NEURL1B: variants seen among roughly 807,000 people sequenced by gnomAD.
The protein encoded by NEURL1B is neuralized E3 ubiquitin protein ligase 1B.
Under a neutral mutation model 37.4 loss-of-function variants are expected in NEURL1B, and 13 were observed. The ratio of observed to expected loss-of-function variants is 0.35; its 90% CI spans 0.23 to 0.55. The LOEUF (loss-of-function observed/expected upper bound fraction) is 0.55, where lower values mean the gene tolerates loss of function less well. NEURL1B is among the 20% of genes least tolerant of loss of function. The pLI is 0.89. For missense variants in NEURL1B, 790 were observed against 879.2 expected, an observed-to-expected ratio of 0.90 and a Z score of 1.28; for synonymous variants, 432 against 426.6, an observed-to-expected ratio of 1.01 and a Z score of -0.16.
At position 172,669,925 on chromosome 5, in the gene NEURL1B, C is replaced by T. The variant is rs1373623181; in HGVS notation, c.172C>T (p.Arg58Trp). ...CGTGCGGCTGGACGGCCACTCGCGC[C>T]GGGCCACACGGCGCAACAGCTTCTG... is the stretch of plus-strand genomic sequence containing the variant. ...KNVRLDGHSR[R>W]ATRRNSFCNG... The change falls in exon 2 of 5, where the codon CGG becomes TGG. Residue 58 changes from arginine (R) to tryptophan (W), a missense_variant. Physicochemically the swap from Arg to Trp is moderately radical, Grantham distance 101 (BLOSUM62 -3). Transcript: ENST00000369800. 2.8e-6 allele frequency: 4 copies of T among 1,451,914 alleles called. No homozygotes were observed. Among genetic ancestry groups the T allele is most frequent in the Non-Finnish European group, 2.7e-6 (3 of 1,107,664 alleles). 89.9% of individuals were successfully genotyped at this position (1,451,914 alleles called of 1,614,324 possible).
chr5:172,686,593 C>A lies in NEURL1B; in HGVS notation c.1424-88C>A, dbSNP rs1718685987. The A allele has an allele frequency of 1.4e-6, 2 of 1,417,752 alleles. No homozygotes were observed. Among genetic ancestry groups the A allele is most frequent in the South Asian group, 1.3e-5 (1 of 74,712 alleles). 87.8% of individuals were successfully genotyped at this position (1,417,752 alleles called of 1,614,324 possible). The stretch of plus-strand genomic sequence containing the variant: ...AAAAGTATTCTCCCACCGGTCCCAG[C>A]AAGAAGCCCTGCATTCTCGGGGTTG... On this transcript the variant is annotated intron_variant, in intron 4 of 4. Transcript: ENST00000369800. This position sits in a 1 kb window ranked among gnomAD's most constrained non-coding sequence, Gnocchi z 7.9.
In NEURL1B at chr5:172,690,355, C is replaced by G. The variant is rs1459711666; in HGVS notation, c.*3430C>G. The G allele has an allele frequency of 6.6e-6, 1 of 152,220 alleles. No homozygotes were observed. Among genetic ancestry groups the G allele is most frequent in the Admixed American group, 6.5e-5 (1 of 15,280 alleles). The allele number at this position is 152,220 out of a possible 1,614,324, so 9.4% of individuals were successfully genotyped here. ...ATCAGCATGGACTGTGTTCAGGACA[C>G]AGGGTGAACTTTTCTCTGACCCCCG... is the stretch of plus-strand genomic sequence containing the variant. On this transcript the variant is annotated 3_prime_UTR_variant, in exon 5 of 5. Coordinates refer to ENST00000369800, the MANE Select transcript of NEURL1B (RefSeq NM_001142651.3).
chr5:172,667,853 A>G (rs1581430457), intron 1 of NEURL1B, among the ~76,000 whole-genome samples: 1 of 89,776 alleles, frequency 1.1e-5, no homozygotes, highest in Non-Finnish European at 2.1e-5. Context: ...CCCACCCCCC[A>G]CCCCAGCTCT....
In NEURL1B at chr5:172,647,551, C is replaced by A. The variant is rs1757582120; in HGVS notation, c.31+6114C>A. 6.6e-6 allele frequency among the ~76,000 whole-genome samples: 1 copy of A among 152,076 alleles called. No individual in the cohort carries two copies. Among genetic ancestry groups the A allele is most frequent in the Admixed American group, 6.6e-5 (1 of 15,260 alleles). ...TCCCACGGGGCACTGCACCCTGGGG[C>A]CTCTTGCGGCTCCTCTTGCTGACTT... is the stretch of plus-strand genomic sequence containing the variant. On this transcript the variant is annotated intron_variant, in intron 1 of 4. Coordinates refer to ENST00000369800, the MANE Select transcript of NEURL1B (RefSeq NM_001142651.3). This position sits in a 1 kb window ranked among gnomAD's most constrained non-coding sequence, Gnocchi z 4.2.
chr5:172,668,855 G>A (rs1463627606), intron 1 of NEURL1B, among the ~76,000 whole-genome samples: 1 of 152,174 alleles, frequency 6.6e-6, no homozygotes, highest in Non-Finnish European at 1.5e-5. Context: ...GAGCCACCTG[G>A]CTTTGTGATC....
intron 1 of NEURL1B, among the ~76,000 whole-genome samples, chr5:172,646,307 T>C (rs28465611): frequency 0.074 from 11,189 of 152,140 alleles, 993 homozygotes; most frequent in African/African-American, 0.21. Context: ...GGGAATTACA[T>C]GGAATAGAGA....
rs1757999033 is a variant in NEURL1B at position 172,665,773 on chromosome 5, G to A, written c.32-4012G>A. On this transcript the variant is annotated intron_variant, in intron 1 of 4. Transcript: ENST00000369800. The surrounding 1 kb of genome is among the most constrained non-coding windows in gnomAD (Gnocchi z 4.1). ...CTCCTCCCTCGAGACCTGGCTCAGT[G>A]GGCATCCCACTATTCCCAGCCCCTA... is the stretch of plus-strand genomic sequence containing the variant. 6.6e-6 allele frequency among the ~76,000 whole-genome samples: 1 copy of A among 150,888 alleles called. No homozygotes were observed. Among genetic ancestry groups the A allele is most frequent in the Non-Finnish European group, 1.5e-5 (1 of 67,840 alleles).
At chr5:172,668,946 G>A (rs55928167) in intron 1 of NEURL1B, among the ~76,000 whole-genome samples, 41,810 of 152,118 alleles carry the variant, frequency 0.27, 7,666 homozygotes, top group African/African-American at 0.53. Context: ...AAAGGTGTCC[G>A]TTCCGGAAAA....
rs571193656 is a variant in NEURL1B at position 172,689,117 on chromosome 5, C to A, written c.*2192C>A. 4 of 152,376 alleles carry A rather than the reference C, an allele frequency of 2.6e-5. No homozygotes were observed. The highest frequency in any genetic ancestry group is 7.2e-5 in the African/African-American group (3 of 41,588). The allele number at this position is 152,376 out of a possible 1,614,324, so 9.4% of individuals were successfully genotyped here. A position where few individuals can be genotyped will look rare whatever the true frequency, so the allele number is the denominator to read the frequency against. On this transcript the variant is annotated 3_prime_UTR_variant, in exon 5 of 5. Coordinates refer to ENST00000369800, the MANE Select transcript of NEURL1B (RefSeq NM_001142651.3). ...ACCTGTGACCTGGGAAGAAGCGAGT[C>A]AGTGGCCCGTTCAACCTGCTCTGCA...
At chr5:172,682,524 C>T (rs904567190) in intron 2 of NEURL1B, among the ~76,000 whole-genome samples, 1 of 152,124 alleles carries the variant, frequency 6.6e-6, no homozygotes, top group Non-Finnish European at 1.5e-5. Flanking sequence ...TGCAGTGAGC[C>T]GAGATCGCGC....
In NEURL1B at chr5:172,686,080, G is replaced by A. The variant is rs1471567645; in HGVS notation, c.1298-91G>A. 2.0e-6 allele frequency: 3 copies of A among 1,465,680 alleles called. No homozygotes were observed. The highest frequency in any genetic ancestry group is 1.4e-5 in the African/African-American group (1 of 71,100). 90.8% of individuals were successfully genotyped at this position (1,465,680 alleles called of 1,614,324 possible). A position where few individuals can be genotyped will look rare whatever the true frequency, so the allele number is the denominator to read the frequency against. On this transcript the variant is annotated intron_variant, in intron 3 of 4. Coordinates refer to ENST00000369800, the MANE Select transcript of NEURL1B (RefSeq NM_001142651.3). The surrounding 1 kb of genome is among the most constrained non-coding windows in gnomAD (Gnocchi z 7.9). ...TACCTCTGGTCCTCTCGTTAGACGG[G>A]AAAGCTAAGGTGCAAAGCAGTGAAG...
chr5:172,655,618 C>T lies in NEURL1B; in HGVS notation c.32-14167C>T, dbSNP rs1045913752. Among the ~76,000 whole-genome samples, 19 of 152,332 alleles carry T rather than the reference C, an allele frequency of 1.2e-4. No homozygotes were observed. The East Asian group carries it at 3.3e-3, about 26-fold the overall frequency. ...CACATTTAGCCCTCCAGAATTTGAT[C>T]ACCAAGGAAGTATTTTACCGGCTTC... On this transcript the variant is annotated intron_variant, in intron 1 of 4. Transcript: ENST00000369800.
chr5:172,642,116 G>GA (rs1351860241), intron 1 of NEURL1B, among the ~76,000 whole-genome samples: 1 of 152,230 alleles, frequency 6.6e-6, no homozygotes, highest in African/African-American at 2.4e-5. Flanking sequence ...GGCCTTACTG[G>GA]AAAATACATG....
At position 172,669,883 on chromosome 5, in the gene NEURL1B, C is replaced by T; in HGVS notation, c.130C>T (p.Gln44Ter). Residue 44 changes from glutamine (Q) to a stop codon, truncating the protein, a stop_gained, in exon 2 of 5, where the codon CAG (glutamine) becomes TAG (stop). Transcript: ENST00000369800. LOFTEE classifies it high-confidence loss of function. ...GGGCGAGGCGCCGCGCTTCCACGCG[C>T]AGGCCAAAGGCAAGAACGTGCGGCT... ...VLGEAPRFHAQAKGKNVRLDG... is the reference protein window; with the variant it reads ...VLGEAPRFHA 7.0e-7 allele frequency: 1 copy of T among 1,426,998 alleles called. No homozygotes were observed. Among genetic ancestry groups the T allele is most frequent in the Non-Finnish European group, 9.2e-7 (1 of 1,092,406 alleles). 88.4% of individuals were successfully genotyped at this position (1,426,998 alleles called of 1,614,324 possible). A position where few individuals can be genotyped will look rare whatever the true frequency, so the allele number is the denominator to read the frequency against.
At position 172,669,880 on chromosome 5, in the gene NEURL1B, G is replaced by T. The variant is rs1161308258; in HGVS notation, c.127G>T (p.Ala43Ser). The T allele has an allele frequency of 1.4e-6, 2 of 1,424,830 alleles. No homozygotes were observed. Among genetic ancestry groups the T allele is most frequent in the African/African-American group, 1.5e-5 (1 of 65,924 alleles). 88.3% of individuals were successfully genotyped at this position (1,424,830 alleles called of 1,614,324 possible). The change falls in exon 2 of 5, where the codon GCG becomes TCG. Residue 43 changes from alanine to serine, a missense_variant. By Grantham distance (99) the Ala-to-Ser change is moderately conservative. This residue lies in a region of NEURL1B where 215 missense variants were observed against 309.2 expected (regional missense o/e 0.70). Transcript: ENST00000369800. The part of the protein sequence containing the change: ...PVLGEAPRFH[A>S]QAKGKNVRLD... ...CCTGGGCGAGGCGCCGCGCTTCCAC[G>T]CGCAGGCCAAAGGCAAGAACGTGCG...
At chr5:172,671,736 T>C (rs1007482551) in intron 2 of NEURL1B, among the ~76,000 whole-genome samples, 10 of 152,262 alleles carry the variant, frequency 6.6e-5, no homozygotes, top group African/African-American at 2.4e-4. Flanking sequence ...TTTTCAGCCC[T>C]GCATTTTGTG....
chr5:172,658,978 G>A (rs1757843971), intron 1 of NEURL1B, among the ~76,000 whole-genome samples: 1 of 151,748 alleles, frequency 6.6e-6, no homozygotes, highest in East Asian at 1.9e-4. Flanking sequence ...GCCAAACTGT[G>A]GCCTCTGAGG....
At position 172,683,949 on chromosome 5, in the gene NEURL1B, G is replaced by A; in HGVS notation, c.1108G>A (p.Val370Met). The A allele has an allele frequency of 7.4e-7, 1 of 1,359,828 alleles. No individual in the cohort carries two copies. Among genetic ancestry groups the A allele is most frequent in the Non-Finnish European group, 9.5e-7 (1 of 1,051,460 alleles). The allele number at this position is 1,359,828 out of a possible 1,614,324, so 84.2% of individuals were successfully genotyped here. Residue 370 changes from valine to methionine, a missense_variant, in exon 3 of 5, where the codon GTG (valine) becomes ATG (methionine). Val to Met is a conservative substitution (Grantham distance 21). Around this residue, in one of 3 missense-constraint regions of NEURL1B, gnomAD observed 460 missense variants for 407.4 expected, o/e 1.13. Transcript: ENST00000369800. This position sits in a 1 kb window ranked among gnomAD's most constrained non-coding sequence, Gnocchi z 5.6. ...GCTGCTCGACCGCAAAGAGTACTGG[G>A]TGGTGGCGCGCGCCGGGCCCGTGCC... The part of the protein sequence containing the change: ...DALLDRKEYW[V>M]VARAGPVPSG...
intron 2 of NEURL1B, among the ~76,000 whole-genome samples, chr5:172,672,235 G>C (rs1758142301): frequency 6.6e-6 from 1 of 152,182 alleles, no homozygotes; most frequent in Non-Finnish European, 1.5e-5. Flanking sequence ...GCCTACTTGG[G>C]CGTTTTAACT....
Sources: gnomAD v4.1 joint callset for allele counts (sites outside exome capture counted in the v4.1 genomes callset) on GRCh38, gnomAD v4.1.1 for gene constraint, gnomAD v4.1.1 regional missense constraint, Gnocchi (gnomAD v3.1) non-coding constraint, MANE v1.5 for transcripts, NCBI Gene and HGNC (gene_info 2026-07-23, HGNC 2026-07-21) for gene names.